Variants in SLC3A2 observed in about 807,000 individuals in gnomAD.
SLC3A2 encodes amino acid transporter heavy chain SLC3A2.
Under a neutral mutation model 48.5 loss-of-function variants are expected in SLC3A2, and 32 were observed. The observed-to-expected ratio is 0.66, with a 90% CI of 0.50 to 0.89. SLC3A2 has a LOEUF of 0.89. Ranked by LOEUF, SLC3A2 falls within the 40% of genes least tolerant of loss-of-function variation. The probability of loss-of-function intolerance (pLI) is 0.00; values close to 1 mark genes in which losing one functional copy is unlikely to be tolerated. For missense variants in SLC3A2, 587 were observed against 680.7 expected (o/e 0.86, Z 1.53); for synonymous variants, 277 against 288.8 (o/e 0.96, Z 0.41).
intron 3 of SLC3A2, chr11:62,883,316 A>C (rs1453709833): frequency 3.1e-6 from 1 of 325,748 alleles, no homozygotes; most frequent in Non-Finnish European, 5.9e-6. Flanking sequence ...CTCTGTGAGA[A>C]TCCTGTCCTG....
upstream of SLC3A2, among the ~76,000 whole-genome samples, chr11:62,879,474 G>A (rs1408755720): frequency 6.6e-6 from 1 of 152,164 alleles, no homozygotes. Context: ...TCTGGCACAT[G>A]CAGGGCACCT....
At position 62,885,537 on chromosome 11, in the gene SLC3A2, A is replaced by G; in HGVS notation, c.1072A>G (p.Thr358Ala). 1 of 1,614,006 alleles carries G rather than the reference A, an allele frequency of 6.2e-7. No homozygotes were observed. Among genetic ancestry groups the G allele is most frequent in the Non-Finnish European group, 8.5e-7 (1 of 1,180,006 alleles). Residue 358 changes from threonine (T) to alanine (A), a missense_variant, in exon 7 of 9, where the codon ACC becomes GCC. Physicochemically the swap from Thr to Ala is moderately conservative, Grantham distance 58 (BLOSUM62 0). This residue lies in a region of SLC3A2 where 9 missense variants were observed against 29.7 expected (regional missense o/e 0.30). Coordinates refer to ENST00000338663, the MANE Select transcript of SLC3A2 (RefSeq NM_001013251.3). ...CCGACTCTACCAGCTGATGCTCTTCACCCTGCCAGGGACCCCTGTTTTCAG... is the reference window on the plus strand; with the variant it reads ...CCGACTCTACCAGCTGATGCTCTTCGCCCTGCCAGGGACCCCTGTTTTCAG... ...LLRLYQLMLF[T>A]LPGTPVFSYG...
chr11:62,859,564 G>T (rs2085376215), intron 1 of SLC3A2, among the ~76,000 whole-genome samples: 1 of 152,064 alleles, frequency 6.6e-6, no homozygotes, highest in Non-Finnish European at 1.5e-5. Flanking sequence ...GCGGTGGCAG[G>T]CGATTGTAAT....
At chr11:62,887,417 G>C (rs2085728729) in intron 7 of SLC3A2, among the ~76,000 whole-genome samples, 1 of 152,086 alleles carries the variant, frequency 6.6e-6, no homozygotes, top group Non-Finnish European at 1.5e-5. Context: ...GTAGAAGTTA[G>C]CCAGGCCGGG....
chr11:62,865,293 C>T (rs2085441045), intron 1 of SLC3A2, among the ~76,000 whole-genome samples: 1 of 152,104 alleles, frequency 6.6e-6, no homozygotes, highest in African/African-American at 2.4e-5. Flanking sequence ...TGGCTCATGC[C>T]TGTAATCCCA....
rs1565252368 is a variant in SLC3A2 at position 62,880,917 on chromosome 11, G to C, written c.-107G>C. 1 of 1,459,326 alleles carries C rather than the reference G, an allele frequency of 6.9e-7. No individual in the cohort carries two copies. The highest frequency in any genetic ancestry group is 1.9e-4 in the Middle Eastern group (1 of 5,244). The allele number at this position is 1,459,326 out of a possible 1,614,324, so 90.4% of individuals were successfully genotyped here. ...GAGCAGATGCAGTAGCCGAAACTGC[G>C]CGGAGGCACAGAGGCCGGGGAGAGC... is the stretch of plus-strand genomic sequence containing the variant. On this transcript the variant is annotated 5_prime_UTR_variant, in exon 1 of 9. Coordinates refer to ENST00000338663, the MANE Select transcript of SLC3A2 (RefSeq NM_001013251.3).
At chr11:62,859,809 CT>C (rs2134969824) in intron 1 of SLC3A2, among the ~76,000 whole-genome samples, 2 of 152,318 alleles carry the variant, frequency 1.3e-5, no homozygotes, top group South Asian at 4.1e-4. Context: ...AAAAAGTAGG[CT>C]GGGTGGAGCG....
chr11:62,887,988 G>A (rs2085736603), intron 7 of SLC3A2, 147 bp from the exon 8 acceptor site: 1 of 656,864 alleles, frequency 1.5e-6, no homozygotes, highest in Admixed American at 2.7e-5. Context: ...TAGAGATGAG[G>A]GCTCATTATG....
chr11:62,888,293 C>T, intron 8 of SLC3A2, 38 bp from the exon 9 acceptor site: 1 of 1,608,706 alleles, frequency 6.2e-7, no homozygotes, highest in East Asian at 2.2e-5. Flanking sequence ...CCCAGGGGAG[C>T]CCCTCACACG....
chr11:62,880,998 G>A lies in SLC3A2; in HGVS notation c.-26G>A, dbSNP rs781470038. 3.2e-6 allele frequency: 5 copies of A among 1,539,536 alleles called. No homozygotes were observed. Among genetic ancestry groups the A allele is most frequent in the Admixed American group, 1.9e-5 (1 of 51,346 alleles). On this transcript the variant is annotated 5_prime_UTR_variant, in exon 1 of 9. Transcript: ENST00000338663. The stretch of plus-strand genomic sequence containing the variant: ...GAGCCACCATCTGACCGCAAGCTGC[G>A]TCGTGTCGCCGGTTCTGCAGGCACC...
chr11:62,878,178 A>C (rs186795019), upstream of SLC3A2, among the ~76,000 whole-genome samples: 1 of 151,906 alleles, frequency 6.6e-6, no homozygotes, highest in African/African-American at 2.4e-5. Flanking sequence ...AAAACAAAAA[A>C]CAAAAGGAAT....
chr11:62,882,063 AAG>A lies in SLC3A2; in HGVS notation c.598_598+1del. ...CAGTCTCTTGCAATCGGCTAAAAAA[AAG>A]AGTGGGTATCCTGGGGTTCCCAAGG... ...FDSLLQSAKK[K>X]SIRVILDLTP... On this transcript the variant is annotated frameshift_variant and splice_region_variant, in exon 2 of 9. Transcript: ENST00000338663. LOFTEE classifies it high-confidence loss of function. The A allele has an allele frequency of 1.9e-6, 3 of 1,614,216 alleles. No homozygotes were observed. The highest frequency in any genetic ancestry group is 2.5e-6 in the Non-Finnish European group (3 of 1,180,034).
At chr11:62,879,868 C>T (rs2085610458), upstream of SLC3A2, among the ~76,000 whole-genome samples, 1 of 152,198 alleles carries the variant, frequency 6.6e-6, no homozygotes, top group Non-Finnish European at 1.5e-5. Context: ...AATCCAAGGA[C>T]CCTGTGGAGG....
Position 62,881,896 on chromosome 11 carries a change from T to C in SLC3A2, c.428T>C (p.Leu143Pro). The C allele has an allele frequency of 6.2e-7, 1 of 1,613,974 alleles. No homozygotes were observed. The highest frequency in any genetic ancestry group is 8.5e-7 in the Non-Finnish European group (1 of 1,179,928). ...GTTAACCCAGCCCCCATTTCAGGTC[T>C]GAAGGGGCGTCTCGATTACCTGAGC... ...QGHGAGNLAGLKGRLDYLSSL... is the reference protein window; with the variant it reads ...QGHGAGNLAGPKGRLDYLSSL... Residue 143 changes from leucine to proline, a missense_variant, in exon 2 of 9, where the codon CTG (leucine) becomes CCG (proline). Physicochemically the swap from Leu to Pro is moderately conservative, Grantham distance 98. Around this residue, in one of 3 missense-constraint regions of SLC3A2, gnomAD observed 409 missense variants for 446.7 expected, o/e 0.92. Coordinates refer to ENST00000338663, the MANE Select transcript of SLC3A2 (RefSeq NM_001013251.3). This position sits in a 1 kb window ranked among gnomAD's most constrained non-coding sequence, Gnocchi z 4.0.
intron 1 of SLC3A2, among the ~76,000 whole-genome samples, chr11:62,875,763 CACCACGTTGG>C (rs1167413461): frequency 6.6e-6 from 1 of 152,134 alleles, no homozygotes; most frequent in Non-Finnish European, 1.5e-5. Context: ...GATGGGGTTT[CACCACGTTGG>C]CCAGGCTGGT....
intron 1 of SLC3A2, among the ~76,000 whole-genome samples, chr11:62,863,253 C>T (rs1243861636): frequency 1.3e-5 from 2 of 152,006 alleles, no homozygotes; most frequent in African/African-American, 4.8e-5. Flanking sequence ...CAGGATCTCA[C>T]TCTGTCACCT....
chr11:62,881,667 C>A lies in SLC3A2; in HGVS notation c.424+220C>A. 2.3e-6 allele frequency: 2 copies of A among 869,020 alleles called. No homozygotes were observed. Among genetic ancestry groups the A allele is most frequent in the Non-Finnish European group, 3.4e-6 (2 of 585,454 alleles). 53.8% of individuals were successfully genotyped at this position (869,020 alleles called of 1,614,324 possible). On this transcript the variant is annotated intron_variant, in intron 1 of 8. Coordinates refer to ENST00000338663, the MANE Select transcript of SLC3A2 (RefSeq NM_001013251.3). The surrounding 1 kb of genome is among the most constrained non-coding windows in gnomAD (Gnocchi z 4.0). ...CACTCCGTCACGAGGGTGGGTGACT[C>A]AGCGTCCTCCTTCCCCGCGGCGCCA... is the stretch of plus-strand genomic sequence containing the variant.
Position 62,881,865 on chromosome 11 carries a change from T to A in SLC3A2, c.425-28T>A. 1 of 1,608,856 alleles carries A rather than the reference T, an allele frequency of 6.2e-7. No homozygotes were observed. Among genetic ancestry groups the A allele is most frequent in the Non-Finnish European group, 8.5e-7 (1 of 1,176,542 alleles). ...AGGTCAGGGGCCTCTCAGAGGGGCC[T>A]CACTTGTTAACCCAGCCCCCATTTC... is the stretch of plus-strand genomic sequence containing the variant. On this transcript the variant is annotated intron_variant, in intron 1 of 8. Coordinates refer to ENST00000338663, the MANE Select transcript of SLC3A2 (RefSeq NM_001013251.3). This position sits in a 1 kb window ranked among gnomAD's most constrained non-coding sequence, Gnocchi z 4.0.
chr11:62,861,873 T>A (rs1226007058), intron 1 of SLC3A2, among the ~76,000 whole-genome samples: 6 of 140,838 alleles, frequency 4.3e-5, no homozygotes, highest in Non-Finnish European at 6.0e-5. Context: ...ATCGTGCCAC[T>A]GCACTCCAGC....
Sources: gnomAD v4.1 joint callset for allele counts (sites outside exome capture counted in the v4.1 genomes callset) on GRCh38, gnomAD v4.1.1 for gene constraint, gnomAD v4.1.1 regional missense constraint, Gnocchi (gnomAD v3.1) non-coding constraint, MANE v1.5 for transcripts, NCBI Gene and HGNC (gene_info 2026-07-23, HGNC 2026-07-21) for gene names.